The following DGKH variants were observed in gnomAD, a reference collection of about 807,000 sequenced individuals.
DGKH encodes the protein diacylglycerol kinase eta, also known as DAG kinase eta.
DGKH carries 90 observed loss-of-function variants against 159.3 expected under a neutral mutation model. The ratio of observed to expected loss-of-function variants is 0.57; its 90% CI spans 0.48 to 0.67. DGKH has a LOEUF of 0.67. DGKH is among the 30% of genes least tolerant of loss of function. The pLI, the probability that DGKH is intolerant of heterozygous loss-of-function variation, is 0.00. For missense variants in DGKH, 1,181 were observed against 1,506.1 expected (o/e 0.78, Z 3.57); for synonymous variants, 536 against 553.8 (o/e 0.97, Z 0.45).
intron 29 of DGKH, chr13:42,252,278 A>C (rs979559424): frequency 1.3e-5 from 2 of 152,078 alleles, no homozygotes; most frequent in African/African-American, 4.8e-5. Context: ...CTTGGGTTGG[A>C]TGTTTAATAC....
At chr13:42,052,809 C>A (rs1298009603) in intron 1 of DGKH, among the ~76,000 whole-genome samples, 1 of 152,290 alleles carries the variant, frequency 6.6e-6, no homozygotes, top group East Asian at 1.9e-4. Flanking sequence ...ATAAACCAAA[C>A]AGTATAAACA....
At chr13:42,047,329 A>G (rs1880854821), upstream of DGKH, among the ~76,000 whole-genome samples, 1 of 148,958 alleles carries the variant, frequency 6.7e-6, no homozygotes, top group South Asian at 2.1e-4. Context: ...ACTGCAAGTT[A>G]AAAAAAAAAA....
rs1566115714 is a variant in DGKH at position 42,127,589 on chromosome 13, A to C, written c.303+16A>C. The C allele has an allele frequency of 6.2e-7, 1 of 1,608,814 alleles. No individual in the cohort carries two copies. The highest frequency in any genetic ancestry group is 1.1e-5 in the South Asian group (1 of 90,564). On this transcript the variant is annotated intron_variant, in intron 2 of 29. Transcript: ENST00000337343. ...GGACTCAAAGGTAACTCACGAGAAT[A>C]CTAGTTTCAAGCAATTGAGGCTATG...
At chr13:42,125,973 A>C (rs182619923) in intron 1 of DGKH, among the ~76,000 whole-genome samples, 1 of 152,112 alleles carries the variant, frequency 6.6e-6, no homozygotes, top group African/African-American at 2.4e-5. Context: ...TCACTATAGC[A>C]CTGTAACTCT....
At chr13:42,215,705 A>C in intron 26 of DGKH, 38 bp downstream of exon 26, 1 of 1,552,212 alleles carries the variant, frequency 6.4e-7, no homozygotes, top group Non-Finnish European at 8.8e-7. Flanking sequence ...AGAATGATGA[A>C]TTAAATGTCT....
intron 1 of DGKH, among the ~76,000 whole-genome samples, chr13:42,092,519 C>G (rs1954438660): frequency 6.6e-6 from 1 of 152,130 alleles, no homozygotes; most frequent in African/African-American, 2.4e-5. Flanking sequence ...TGCATGTTTT[C>G]ACTCATGTGA....
At chr13:42,247,567 C>T (rs2138335677), downstream of DGKH, among the ~76,000 whole-genome samples, 1 of 152,268 alleles carries the variant, frequency 6.6e-6, no homozygotes, top group Non-Finnish European at 1.5e-5. Context: ...GGTACTCCTA[C>T]TTATTGAAAG....
intron 1 of DGKH, chr13:42,070,598 C>T (rs1882898353): frequency 1.2e-6 from 2 of 1,602,662 alleles, no homozygotes; most frequent in African/African-American, 2.7e-5. Context: ...ATCTTCAGCA[C>T]CAAGTCTTCA....
At chr13:42,091,535 C>A (rs1954418839) in intron 1 of DGKH, among the ~76,000 whole-genome samples, 1 of 152,036 alleles carries the variant, frequency 6.6e-6, no homozygotes, top group South Asian at 2.1e-4. Flanking sequence ...ATATACAAAT[C>A]ATTTTGTGTA....
rs1019733400 is a variant in DGKH at position 42,206,142 on chromosome 13, A to G, written c.2597A>G (p.Asp866Gly). 6 of 1,415,024 alleles carry G rather than the reference A, an allele frequency of 4.2e-6. No homozygotes were observed. In the African/African-American group the frequency reaches 4.4e-5, roughly 10 times the overall value. The allele number at this position is 1,415,024 out of a possible 1,614,324, so 87.7% of individuals were successfully genotyped here. Residue 866 changes from aspartate (D) to glycine (G), a missense_variant, in exon 21 of 30, where the codon GAT becomes GGT. Transcript: ENST00000337343. ...GTNFWGGTKEDDIFAAPSFDD... is the reference protein window; with the variant it reads ...GTNFWGGTKEGDIFAAPSFDD... ...AACTTTTGGGGTGGAACTAAAGAGGATGATGTAAGTAATGGGAGTAAATAG... is the reference window on the plus strand; with the variant it reads ...AACTTTTGGGGTGGAACTAAAGAGGGTGATGTAAGTAATGGGAGTAAATAG...
At chr13:42,215,511 T>A in intron 25 of DGKH, 64 bp from the exon 26 acceptor site, 1 of 1,186,408 alleles carries the variant, frequency 8.4e-7, no homozygotes, top group East Asian at 2.5e-5. Context: ...AAATTTAAAG[T>A]GTTTATGGTA....
intron 2 of DGKH, among the ~76,000 whole-genome samples, chr13:42,128,616 A>G (rs1427396903): frequency 1.5e-5 from 2 of 136,726 alleles, no homozygotes; most frequent in Non-Finnish European, 3.2e-5. Flanking sequence ...AGATCCCCTC[A>G]AATAGTCCTT....
chr13:42,191,956 G>T (rs56249339), intron 16 of DGKH, among the ~76,000 whole-genome samples: 13,912 of 151,778 alleles, frequency 0.092, 719 homozygotes, highest in Middle Eastern at 0.12. Flanking sequence ...ACCTCTTTTT[G>T]GTTTTCTCAT....
chr13:42,074,429 C>A (rs1185699043), intron 1 of DGKH, among the ~76,000 whole-genome samples: 4 of 152,162 alleles, frequency 2.6e-5, no homozygotes, highest in African/African-American at 9.7e-5. Flanking sequence ...ACCTAGATTT[C>A]ATCTTCCTGT....
In DGKH at chr13:42,189,087, G is replaced by C; in HGVS notation, c.1690G>C (p.Asp564His). The part of the protein sequence containing the change: ...LEQLLQALHT[D>H]SQAAPVLPGL... The stretch of plus-strand genomic sequence containing the variant: ...ACAACTGCTGCAGGCTTTGCACACA[G>C]ATTCCCAGGCTGCGCCTGTTCTCCC... The change falls in exon 15 of 30, where the codon GAT becomes CAT. Residue 564 changes from aspartate (D) to histidine (H), a missense_variant. Physicochemically the swap from Asp to His is moderately conservative, Grantham distance 81. Transcript: ENST00000337343. 2 of 1,614,162 alleles carry C rather than the reference G, an allele frequency of 1.2e-6. No individual in the cohort carries two copies. Among genetic ancestry groups the C allele is most frequent in the African/African-American group, 1.3e-5 (1 of 75,082 alleles).
At chr13:42,129,278 A>G (rs1454437348) in intron 2 of DGKH, among the ~76,000 whole-genome samples, 1 of 152,222 alleles carries the variant, frequency 6.6e-6, no homozygotes, top group Non-Finnish European at 1.5e-5. Context: ...GGTTCCCCGT[A>G]AGTGGTAGCT....
In DGKH at chr13:42,233,165, C is replaced by A. The variant is rs1376990736; in HGVS notation, c.*3977C>A. On this transcript the variant is annotated 3_prime_UTR_variant, in exon 30 of 30. Coordinates refer to ENST00000337343, the MANE Select transcript of DGKH (RefSeq NM_178009.5). ...ATTAATTTAATTAGAAACTCCATTT[C>A]TCAGTTGCACTAACTACATTTCAAG... 1 of 152,198 alleles carries A rather than the reference C, an allele frequency of 6.6e-6. No homozygotes were observed. Among genetic ancestry groups the A allele is most frequent in the East Asian group, 1.9e-4 (1 of 5,196 alleles). The allele number at this position is 152,198 out of a possible 1,614,324, so 9.4% of individuals were successfully genotyped here.
At chr13:42,199,212 AAG>A (rs990055675) in intron 18 of DGKH, among the ~76,000 whole-genome samples, 18 of 152,124 alleles carry the variant, frequency 1.2e-4, no homozygotes, top group African/African-American at 4.3e-4. Context: ...AATGATAAAA[AAG>A]AGAGAGAGAG....
At chr13:42,053,705 G>A (rs377345019) in intron 1 of DGKH, among the ~76,000 whole-genome samples, 37 of 151,456 alleles carry the variant, frequency 2.4e-4, no homozygotes, top group Middle Eastern at 6.8e-3. Flanking sequence ...TGCAACCTCC[G>A]CCTCCTGGGT....
Sources: gnomAD v4.1 joint callset for allele counts (sites outside exome capture counted in the v4.1 genomes callset) on GRCh38, gnomAD v4.1.1 for gene constraint, MANE v1.5 for transcripts, NCBI Gene and HGNC (gene_info 2026-07-23, HGNC 2026-07-21) for gene names.